IFT57: variants seen among roughly 807,000 people sequenced by gnomAD.
The protein encoded by IFT57 is intraflagellar transport protein 57 homolog.
IFT57 carries 59 observed loss-of-function variants against 56.8 expected under a neutral mutation model. The ratio of observed to expected loss-of-function variants is 1.04; its 90% CI spans 0.84 to 1.29. The LOEUF (loss-of-function observed/expected upper bound fraction) is 1.29, where lower values mean the gene tolerates loss of function less well. IFT57 is among the 50% of genes most tolerant of loss of function. The probability of loss-of-function intolerance (pLI) is 0.00; values close to 1 mark genes in which losing one functional copy is unlikely to be tolerated. For synonymous variants in IFT57, 209 were observed against 186.1 expected, an observed-to-expected ratio of 1.12 and a Z score of -1.00; for missense variants, 470 against 522.1, an observed-to-expected ratio of 0.90 and a Z score of 0.97.
chr3:108,179,192 G>A (rs1264901563), intron 6 of IFT57, among the ~76,000 whole-genome samples: 1 of 151,858 alleles, frequency 6.6e-6, no homozygotes, highest in Non-Finnish European at 1.5e-5. Flanking sequence ...GAGAGACTCA[G>A]TTATTAGATT....
rs771155183 is a variant in IFT57, at chr3:108,219,428, T to G, written c.357A>C (p.Leu119=). ...CACTTACAAATGACCGAAGCTCGGA[T>G]AGTATGTTAGATATTGTTGCATTAG... ...DDPNATISNI[L]SELRSFGRTA... is the part of the protein sequence containing the mutation. Residue 119 remains leucine, a synonymous_variant, in exon 2 of 11, where the codon CTA becomes CTC. Transcript: ENST00000264538. 1.9e-6 allele frequency: 3 copies of G among 1,613,512 alleles called. No individual in the cohort carries two copies. Among genetic ancestry groups the G allele is most frequent in the Admixed American group, 1.7e-5 (1 of 60,002 alleles).
chr3:108,192,307 T>C (rs930803143), intron 5 of IFT57, among the ~76,000 whole-genome samples: 24 of 150,350 alleles, frequency 1.6e-4, no homozygotes, highest in African/African-American at 5.4e-4. Context: ...GTATTCATAA[T>C]TGAAGTGATA....
intron 6 of IFT57, among the ~76,000 whole-genome samples, chr3:108,172,945 A>G (rs1307012837): frequency 6.6e-6 from 1 of 151,852 alleles, no homozygotes; most frequent in Non-Finnish European, 1.5e-5. Context: ...GCAAATCTGA[A>G]TATTTGTTTT....
At chr3:108,174,814 A>G (rs2080115139) in intron 6 of IFT57, among the ~76,000 whole-genome samples, 2 of 151,880 alleles carry the variant, frequency 1.3e-5, no homozygotes, top group Non-Finnish European at 2.9e-5. Context: ...TGGGTCTGAG[A>G]GTAAGAAACA....
intron 7 of IFT57, 177 bp from the exon 8 acceptor site, chr3:108,167,162 C>T: frequency 3.6e-6 from 2 of 557,306 alleles, no homozygotes; most frequent in Non-Finnish European, 3.1e-6. Context: ...TTTAACCACA[C>T]TTAGAAGAGT....
intron 5 of IFT57, among the ~76,000 whole-genome samples, chr3:108,191,875 T>G (rs147324071): frequency 6.6e-6 from 1 of 152,288 alleles, no homozygotes; most frequent in East Asian, 1.9e-4. Flanking sequence ...TTCAACTATT[T>G]TTACAAGGAA....
chr3:108,162,313 G>A lies in IFT57; in HGVS notation c.*164C>T. The A allele has an allele frequency of 2.0e-6, 1 of 495,478 alleles. No individual in the cohort carries two copies. The highest frequency in any genetic ancestry group is 3.7e-5 in the Admixed American group (1 of 27,048). 30.7% of individuals were successfully genotyped at this position (495,478 alleles called of 1,614,324 possible). On this transcript the variant is annotated 3_prime_UTR_variant, in exon 11 of 11. Coordinates refer to ENST00000264538, the MANE Select transcript of IFT57 (RefSeq NM_018010.4). ...ATTTCTTTATTAAACATTACATTCAGTGTAAAGGCTTTAACCATCATAATC... is the reference window on the plus strand; with the variant it reads ...ATTTCTTTATTAAACATTACATTCAATGTAAAGGCTTTAACCATCATAATC...
At chr3:108,197,580 G>A (rs756752533) in intron 5 of IFT57, among the ~76,000 whole-genome samples, 20 of 152,128 alleles carry the variant, frequency 1.3e-4, no homozygotes, top group Non-Finnish European at 2.9e-4. Context: ...GCTATGTTCT[G>A]TAAAAATATA....
intron 5 of IFT57, among the ~76,000 whole-genome samples, chr3:108,192,838 GTTT>G (rs920339549): frequency 6.6e-6 from 1 of 151,424 alleles, no homozygotes; most frequent in African/African-American, 2.4e-5. Flanking sequence ...ACATGGCATG[GTTT>G]TTTTTAAAAG....
chr3:108,179,155 G>T (rs1406153195), intron 6 of IFT57, among the ~76,000 whole-genome samples: 1 of 151,798 alleles, frequency 6.6e-6, no homozygotes, highest in African/African-American at 2.4e-5. Flanking sequence ...GGGGGATCTG[G>T]ATAACAAACT....
At chr3:108,186,127 A>G (rs1027179545) in intron 6 of IFT57, among the ~76,000 whole-genome samples, 3 of 152,132 alleles carry the variant, frequency 2.0e-5, no homozygotes, top group Non-Finnish European at 2.9e-5. Context: ...TGGATCCCCA[A>G]AAGAGAGAAC....
intron 4 of IFT57, among the ~76,000 whole-genome samples, chr3:108,210,149 T>G (rs1449502489): frequency 6.6e-6 from 1 of 152,096 alleles, no homozygotes; most frequent in Non-Finnish European, 1.5e-5. Context: ...TATGCCTTCT[T>G]AATTCTGACT....
chr3:108,207,782 G>A (rs1280970372), intron 4 of IFT57, among the ~76,000 whole-genome samples: 1 of 152,100 alleles, frequency 6.6e-6, no homozygotes, highest in Non-Finnish European at 1.5e-5. Flanking sequence ...GATGGCTCAC[G>A]CTTGTAATCC....
intron 6 of IFT57, among the ~76,000 whole-genome samples, chr3:108,172,163 T>A (rs1560103329): frequency 6.6e-6 from 1 of 151,838 alleles, no homozygotes; most frequent in Non-Finnish European, 1.5e-5. Flanking sequence ...GAGGGGCTGG[T>A]ATTTCTGTGG....
chr3:108,196,151 TA>T (rs1416635541), intron 5 of IFT57, among the ~76,000 whole-genome samples: 1 of 151,926 alleles, frequency 6.6e-6, no homozygotes, highest in African/African-American at 2.4e-5. Context: ...GATAAAAAAA[TA>T]AAAAATATAT....
intron 5 of IFT57, among the ~76,000 whole-genome samples, chr3:108,199,994 C>A (rs1317253114): frequency 6.6e-6 from 1 of 152,036 alleles, no homozygotes. Flanking sequence ...ATGAGGGCAC[C>A]CATTTAACTG....
At chr3:108,201,691 GA>G (rs1396200667) in intron 5 of IFT57, among the ~76,000 whole-genome samples, 19 of 152,226 alleles carry the variant, frequency 1.2e-4, no homozygotes, top group African/African-American at 4.6e-4. Context: ...GCTGTACATA[GA>G]ACAGTTTTTT....
intron 5 of IFT57, among the ~76,000 whole-genome samples, chr3:108,196,717 G>C (rs561226053): frequency 6.6e-6 from 1 of 152,092 alleles, no homozygotes; most frequent in Non-Finnish European, 1.5e-5. Flanking sequence ...TAGGGGAAAT[G>C]GCCCAGTTGC....
At chr3:108,214,959 C>A (rs1355751957) in intron 3 of IFT57, among the ~76,000 whole-genome samples, 3 of 152,088 alleles carry the variant, frequency 2.0e-5, no homozygotes, top group East Asian at 3.9e-4. Flanking sequence ...GGCTTTCTGT[C>A]ATACCACAAC....
Sources: gnomAD v4.1 joint callset for allele counts (sites outside exome capture counted in the v4.1 genomes callset) on GRCh38, gnomAD v4.1.1 for gene constraint, MANE v1.5 for transcripts, NCBI Gene and HGNC (gene_info 2026-07-23, HGNC 2026-07-21) for gene names.